Variants in PRPF3 observed in about 807,000 individuals in gnomAD.
PRPF3 encodes U4/U6 small nuclear ribonucleoprotein Prp3.
A neutral mutation model predicts 89.2 loss-of-function variants in PRPF3; 3 were observed. That is an observed-to-expected ratio of 0.03 (90% CI 0.02 to 0.09). The LOEUF (loss-of-function observed/expected upper bound fraction) is 0.09. Among genes scored for constraint, PRPF3 ranks in the 10% least tolerant of loss-of-function variants. PRPF3 has a pLI of 1.00. For synonymous variants in PRPF3, 270 were observed against 289.1 expected (o/e 0.93, Z 0.67); for missense variants, 463 against 828.8 (o/e 0.56, Z 5.42).
intron 9 of PRPF3, among the ~76,000 whole-genome samples, chr1:150,342,772 G>A (rs999101575): frequency 1.1e-4 from 16 of 150,064 alleles, no homozygotes; most frequent in Non-Finnish European, 2.1e-4. Flanking sequence ...CTGCCCACCC[G>A]TGCCTCCCAA....
intron 1 of PRPF3, among the ~76,000 whole-genome samples, chr1:150,323,429 A>AG (rs1655326950): frequency 6.6e-6 from 1 of 151,694 alleles, no homozygotes; most frequent in African/African-American, 2.4e-5. Context: ...AGATCACTTG[A>AG]GGTAAGGCAT....
intron 15 of PRPF3, among the ~76,000 whole-genome samples, chr1:150,351,166 G>A (rs1262312719): frequency 4.6e-5 from 7 of 152,094 alleles, no homozygotes; most frequent in African/African-American, 1.7e-4. Context: ...TTGGGAGGCT[G>A]AGGCAGGAGA....
intron 9 of PRPF3, among the ~76,000 whole-genome samples, chr1:150,340,975 T>A (rs1657633087): frequency 6.6e-6 from 1 of 151,616 alleles, no homozygotes. Flanking sequence ...CATGGTGGTG[T>A]GCATCTGTAG....
In PRPF3 at chr1:150,344,483, A is replaced by G; in HGVS notation, c.1576A>G (p.Lys526Glu). The G allele has an allele frequency of 2.5e-6, 4 of 1,614,208 alleles. No homozygotes were observed. The highest frequency in any genetic ancestry group is 3.4e-6 in the Non-Finnish European group (4 of 1,180,040). The change falls in exon 12 of 16, where the codon AAG becomes GAG. Residue 526 changes from lysine (K) to glutamate (E), a missense_variant. This residue lies in a region of PRPF3 where 261 missense variants were observed against 475.8 expected (regional missense o/e 0.55). Coordinates refer to ENST00000324862, the MANE Select transcript of PRPF3 (RefSeq NM_004698.4). ...CCGAAAACTCACAGCAGAACAGAGA[A>G]AGGTCAAGAAAATTAAAAAGCTTAA... ...AARKLTAEQR[K>E]VKKIKKLKED...
chr1:150,347,642 C>T (rs782697555), intron 14 of PRPF3, among the ~76,000 whole-genome samples: 2 of 151,708 alleles, frequency 1.3e-5, no homozygotes, highest in African/African-American at 4.8e-5. Flanking sequence ...GCAGGAGAAT[C>T]GCTTGAACCT....
intron 7 of PRPF3, among the ~76,000 whole-genome samples, chr1:150,337,540 G>C (rs1657158917): frequency 6.6e-6 from 1 of 151,902 alleles, no homozygotes; most frequent in Admixed American, 6.6e-5. Context: ...TGGGATTCTT[G>C]GCCGAGGTGG....
chr1:150,322,535 C>G (rs2101933572), intron 1 of PRPF3, among the ~76,000 whole-genome samples: 1 of 152,270 alleles, frequency 6.6e-6, no homozygotes, highest in Non-Finnish European at 1.5e-5. Flanking sequence ...AATTGGTACG[C>G]TGTATGTCTA....
Position 150,352,945 on chromosome 1 carries a change from C to T in PRPF3, c.2018C>T (p.Ala673Val). ...KHGAEHYWDL[A>V]LSESVLESTD is the part of the protein sequence containing the mutation. ...GGGGCTGAACACTACTGGGACCTTG[C>T]GCTGAGTGAATCTGTGTTAGAGTCC... Residue 673 changes from alanine (A) to valine (V), a missense_variant, in exon 16 of 16, where the codon GCG (alanine) becomes GTG (valine). Physicochemically the swap from Ala to Val is moderately conservative, Grantham distance 64. Coordinates refer to ENST00000324862, the MANE Select transcript of PRPF3 (RefSeq NM_004698.4). 2 of 1,614,096 alleles carry T rather than the reference C, an allele frequency of 1.2e-6. No individual in the cohort carries two copies. Among genetic ancestry groups the T allele is most frequent in the Non-Finnish European group, 1.7e-6 (2 of 1,179,998 alleles).
At chr1:150,325,606 G>GT (rs782643554) in intron 2 of PRPF3, 145 bp from the exon 3 acceptor site, 66 of 1,078,148 alleles carry the variant, frequency 6.1e-5, no homozygotes, top group Non-Finnish European at 8.7e-5. Context: ...GTCATTTAGT[G>GT]TAAGAGAGAT....
chr1:150,350,420 C>T (rs1175148489), intron 15 of PRPF3, among the ~76,000 whole-genome samples: 2 of 149,996 alleles, frequency 1.3e-5, no homozygotes, highest in Non-Finnish European at 3.0e-5. Flanking sequence ...AAGCTGGTCT[C>T]GAACTCCTGA....
chr1:150,343,720 G>A (rs1221548177), intron 10 of PRPF3, among the ~76,000 whole-genome samples: 1 of 152,166 alleles, frequency 6.6e-6, no homozygotes, highest in African/African-American at 2.4e-5. Context: ...AATTCATGGA[G>A]ATAGTAGTTG....
intron 3 of PRPF3, chr1:150,327,661 A>C: frequency 1.0e-6 from 1 of 984,592 alleles, no homozygotes; most frequent in Non-Finnish European, 1.2e-6. Context: ...CGGTGTGTAC[A>C]TTTGCTTTTT....
At chr1:150,323,616 C>T (rs1273227616) in intron 1 of PRPF3, among the ~76,000 whole-genome samples, 3 of 115,326 alleles carry the variant, frequency 2.6e-5, no homozygotes, top group Non-Finnish European at 5.2e-5. Flanking sequence ...GCCTGGGCGA[C>T]GGAGTGAGAC....
At chr1:150,328,243 T>TA in intron 3 of PRPF3, 77 bp from the exon 4 acceptor site, 1 of 1,565,652 alleles carries the variant, frequency 6.4e-7, no homozygotes, top group Non-Finnish European at 8.8e-7. Context: ...CAGAAAATGC[T>TA]GGTAGGGGCT....
intron 11 of PRPF3, 37 bp from the exon 12 acceptor site, chr1:150,344,397 C>A (rs782743947): frequency 4.3e-6 from 7 of 1,614,170 alleles, no homozygotes; most frequent in Non-Finnish European, 5.1e-6. Context: ...ATCTTCAATG[C>A]CTTTCTCACT....
chr1:150,339,036 C>G (rs1020811382), intron 8 of PRPF3, among the ~76,000 whole-genome samples: 1 of 151,586 alleles, frequency 6.6e-6, no homozygotes, highest in Non-Finnish European at 1.5e-5. Context: ...TGTGATAGAG[C>G]AAGGATTATT....
rs182039198 is a variant in PRPF3, at chr1:150,350,088, G to C, written c.1905+870G>C. On this transcript the variant is annotated intron_variant, in intron 15 of 15. Coordinates refer to ENST00000324862, the MANE Select transcript of PRPF3 (RefSeq NM_004698.4). ...TTTTTGTATTTATAGTAGAGACAGGGTTTCTCCATGTTGGTCAGGCTGGTC... is the reference window on the plus strand; with the variant it reads ...TTTTTGTATTTATAGTAGAGACAGGCTTTCTCCATGTTGGTCAGGCTGGTC... Among the ~76,000 whole-genome samples the C allele has an allele frequency of 2.8e-3, 428 of 152,136 alleles. 5 individuals carry two copies. The highest frequency in any genetic ancestry group is 9.5e-3 in the African/African-American group (396 of 41,504).
At chr1:150,335,838 A>G (rs1199062232) in intron 7 of PRPF3, among the ~76,000 whole-genome samples, 1 of 140,034 alleles carries the variant, frequency 7.1e-6, no homozygotes, top group Non-Finnish European at 1.5e-5. Flanking sequence ...GTACAGTCTC[A>G]GCTCACTGCA....
At chr1:150,327,906 T>C (rs1553864250) in intron 3 of PRPF3, 1 of 211,198 alleles carries the variant, frequency 4.7e-6, no homozygotes. Flanking sequence ...TAACCTAATA[T>C]GAACCAAGCT....
Sources: gnomAD v4.1 joint callset for allele counts (sites outside exome capture counted in the v4.1 genomes callset) on GRCh38, gnomAD v4.1.1 for gene constraint, gnomAD v4.1.1 regional missense constraint, MANE v1.5 for transcripts, NCBI Gene and HGNC (gene_info 2026-07-23, HGNC 2026-07-21) for gene names.